Variants in ABCB9 observed in about 807,000 individuals in gnomAD.
The protein encoded by ABCB9 is ATP binding cassette subfamily B member 9.
A neutral mutation model predicts 62.0 loss-of-function variants in ABCB9; 36 were observed. The observed-to-expected ratio is 0.58, with a 90% confidence interval of 0.45 to 0.77. The LOEUF (loss-of-function observed/expected upper bound fraction) is 0.77, where lower values mean the gene tolerates loss of function less well. ABCB9 is among the 30% of genes least tolerant of loss of function. ABCB9 has a pLI of 0.00. For missense variants in ABCB9, 943 were observed against 1,054.7 expected, an observed-to-expected ratio of 0.89 and a Z score of 1.47; for synonymous variants, 435 against 461.4, an observed-to-expected ratio of 0.94 and a Z score of 0.73.
intron 9 of ABCB9, among the ~76,000 whole-genome samples, chr12:122,938,892 C>T (rs1289033525): frequency 4.0e-5 from 6 of 151,428 alleles, no homozygotes; most frequent in Non-Finnish European, 8.8e-5. Context: ...AACAACCCAG[C>T]GAGGCACGGT....
At chr12:122,925,641 G>A (rs996474397), downstream of ABCB9, among the ~76,000 whole-genome samples, 8 of 152,032 alleles carry the variant, frequency 5.3e-5, no homozygotes, top group African/African-American at 9.7e-5. Context: ...GCAGCTACTC[G>A]GGCGGCTGAG....
intron 4 of ABCB9, 84 bp downstream of exon 4, chr12:122,949,704 C>T (rs567514306): frequency 2.3e-5 from 36 of 1,547,320 alleles, no homozygotes; most frequent in African/African-American, 1.8e-4. Context: ...ACCACCCACA[C>T]GCCCATTTCA....
chr12:122,948,955 G>T (rs1249610504), intron 4 of ABCB9, 126 bp from the exon 5 acceptor site: 13 of 721,792 alleles, frequency 1.8e-5, no homozygotes, highest in Admixed American at 1.4e-4. Context: ...GGCGGGGTTG[G>T]GGGGTGGGGG....
chr12:122,971,302 G>A (rs1161523505), upstream of ABCB9, among the ~76,000 whole-genome samples: 3 of 148,712 alleles, frequency 2.0e-5, no homozygotes, highest in Non-Finnish European at 3.0e-5. Context: ...CAGGAAAATC[G>A]CTTGAACCCA....
chr12:122,946,105 AC>A lies in ABCB9; in HGVS notation c.1170del (p.Tyr391ThrfsTer11), dbSNP rs765270102. On this transcript the variant is annotated frameshift_variant, in exon 6 of 12. Transcript: ENST00000280560. LOFTEE classifies it high-confidence loss of function. ...TACACCTGCTGCAGCTTCCGCAGGT[AC>A]ACCTCTGCCTCCTCCTCCTCATTGG... is the stretch of plus-strand genomic sequence containing the variant. ...SFANEEEEAE[V>X]YLRKLQQVYK... 6.2e-7 allele frequency: 1 copy of A among 1,614,034 alleles called. No individual in the cohort carries two copies. The highest frequency in any genetic ancestry group is 1.7e-5 in the Admixed American group (1 of 59,990).
downstream of ABCB9, among the ~76,000 whole-genome samples, chr12:122,925,158 C>A (rs4759360): frequency 1.3e-5 from 2 of 152,044 alleles, no homozygotes; most frequent in African/African-American, 2.4e-5. Flanking sequence ...TGGGCTCAAG[C>A]GATCTGCCTG....
rs1233642048 is a variant in ABCB9, at chr12:122,928,996, G to A, written c.*915C>T. ...GGCCCAAGTAGAAGTCAGAGGTTAG[G>A]GGTAAGAGGTAGTACACTTTATTGA... On this transcript the variant is annotated 3_prime_UTR_variant, in exon 12 of 12. Transcript: ENST00000280560. 1.0e-6 allele frequency: 1 copy of A among 985,892 alleles called. No individual in the cohort carries two copies. The highest frequency in any genetic ancestry group is 1.2e-6 in the Non-Finnish European group (1 of 829,958). 61.1% of individuals were successfully genotyped at this position (985,892 alleles called of 1,614,324 possible). A position where few individuals can be genotyped will look rare whatever the true frequency, so the allele number is the denominator to read the frequency against.
intron 4 of ABCB9, 162 bp from the exon 5 acceptor site, chr12:122,948,991 T>G: frequency 5.3e-6 from 3 of 566,726 alleles, no homozygotes; most frequent in Non-Finnish European, 6.1e-6. Flanking sequence ...CCTCGAGGGC[T>G]ACTCTGAGCC....
At chr12:122,967,412 C>T (rs181031373), upstream of ABCB9, among the ~76,000 whole-genome samples, 5 of 152,324 alleles carry the variant, frequency 3.3e-5, no homozygotes, top group South Asian at 2.1e-4. Context: ...TGGCCTGAAC[C>T]GTGGGAAGTG....
chr12:122,952,253 T>C (rs948045319), intron 2 of ABCB9: 2 of 152,212 alleles, frequency 1.3e-5, no homozygotes, highest in Non-Finnish European at 2.9e-5. Context: ...CCGACAATAA[T>C]CCGGAATGTC....
rs1342132450 is a variant in ABCB9, at chr12:122,964,961, T to G, written c.-88+1326A>C. Among the ~76,000 whole-genome samples, 1 of 152,154 alleles carries G rather than the reference T, an allele frequency of 6.6e-6. No homozygotes were observed. Reference sequence around the variant, plus strand: ...GCAGAGAAGGCCAGAAGACGATAGATAGCAGTTATTATGACGCTGCAACAG... The same window carrying G: ...GCAGAGAAGGCCAGAAGACGATAGAGAGCAGTTATTATGACGCTGCAACAG... On this transcript the variant is annotated intron_variant, in intron 1 of 11. Transcript: ENST00000280560. The surrounding 1 kb of genome is among the most constrained non-coding windows in gnomAD (Gnocchi z 4.7).
chr12:122,961,970 A>G (rs143390455), intron 1 of ABCB9, among the ~76,000 whole-genome samples: 225 of 152,270 alleles, frequency 1.5e-3, no homozygotes, highest in Non-Finnish European at 2.6e-3. Flanking sequence ...CAAATAAACT[A>G]TTTTGGTCTA....
rs2035237813 is a variant in ABCB9, at chr12:122,932,586, GAGGCTGC to G, written c.1904-265_1904-259del. Among the ~76,000 whole-genome samples the G allele has an allele frequency of 6.6e-6, 1 of 152,214 alleles. No individual in the cohort carries two copies. Among genetic ancestry groups the G allele is most frequent in the Admixed American group, 6.5e-5 (1 of 15,286 alleles). Reference sequence around the variant, plus strand: ...ACATCTGATAGCACACAGTGCAGGTGAGGCTGCAGGGAGACAGGCCCTCACCCGTCCT... The same window carrying G: ...ACATCTGATAGCACACAGTGCAGGTGAGGGAGACAGGCCCTCACCCGTCCT... On this transcript the variant is annotated intron_variant, in intron 10 of 11. Coordinates refer to ENST00000280560, the MANE Select transcript of ABCB9 (RefSeq NM_019625.4). This position sits in a 1 kb window ranked among gnomAD's most constrained non-coding sequence, Gnocchi z 4.7.
In ABCB9 at chr12:122,949,835, C is replaced by A. The variant is rs199883407; in HGVS notation, c.800G>T (p.Arg267Leu). 5 of 1,614,078 alleles carry A rather than the reference C, an allele frequency of 3.1e-6. No individual in the cohort carries two copies. The Admixed American group carries it at 5.0e-5, about 16-fold the overall frequency. The change falls in exon 4 of 12, where the codon CGC becomes CTC. Residue 267 changes from arginine (R) to leucine (L), a missense_variant. Coordinates refer to ENST00000280560, the MANE Select transcript of ABCB9 (RefSeq NM_019625.4). ...LNIRLRNCLF[R>L]SLVSQETSFF... ...GCTTGTCTCCTGGGACACCAGTGAG[C>A]GGAAGAGACAGTTTCGAAGGCGAAT...
rs2135927867 is a variant in ABCB9 at position 122,964,117 on chromosome 12, G to A, written c.-88+2170C>T. On this transcript the variant is annotated intron_variant, in intron 1 of 11. Coordinates refer to ENST00000280560, the MANE Select transcript of ABCB9 (RefSeq NM_019625.4). This position sits in a 1 kb window ranked among gnomAD's most constrained non-coding sequence, Gnocchi z 4.7. ...TCAGCTGCTGCTCTCCTCGTGGTGG[G>A]CACATGGGGTCCCTCAGTCCCCAGA... Among the ~76,000 whole-genome samples the A allele has an allele frequency of 6.6e-6, 1 of 152,308 alleles. No homozygotes were observed. Among genetic ancestry groups the A allele is most frequent in the Non-Finnish European group, 1.5e-5 (1 of 68,018 alleles).
At chr12:122,961,297 C>T (rs923199527) in intron 1 of ABCB9, among the ~76,000 whole-genome samples, 1 of 152,110 alleles carries the variant, frequency 6.6e-6, no homozygotes, top group Admixed American at 6.6e-5. Flanking sequence ...AAGCGATTCT[C>T]CTGCCTCAGC....
intron 7 of ABCB9, among the ~76,000 whole-genome samples, chr12:122,942,327 C>T (rs2035804812): frequency 6.6e-6 from 1 of 151,962 alleles, no homozygotes; most frequent in South Asian, 2.1e-4. Context: ...GTGGCTCACA[C>T]CTGTAATCCC....
intron 9 of ABCB9, chr12:122,939,394 G>A (rs796701042): frequency 1.1e-4 from 17 of 152,472 alleles, no homozygotes; most frequent in African/African-American, 4.1e-4. Context: ...GCAGCACAGA[G>A]CTCAGGGGTG....
intron 4 of ABCB9, chr12:122,949,076 A>C (rs1434476384): frequency 8.4e-6 from 3 of 355,514 alleles, no homozygotes; most frequent in African/African-American, 4.2e-5. Context: ...GGCTCAGAAC[A>C]GGAAGGCCCC....
Sources: allele counts gnomAD v4.1 joint callset (sites outside exome capture counted in the v4.1 genomes callset), GRCh38; gene constraint gnomAD v4.1.1; non-coding constraint Gnocchi (gnomAD v3.1); transcripts MANE v1.5; gene names NCBI Gene and HGNC (gene_info 2026-07-23, HGNC 2026-07-21).